The following LARP1 variants were observed in gnomAD, a reference collection of about 807,000 sequenced individuals.
LARP1 encodes the protein la-related protein 1.
In LARP1, 36 loss-of-function variants were observed where a neutral mutation model predicts 122.7. The observed-to-expected ratio is 0.29, with a 90% CI of 0.22 to 0.39. The LOEUF (loss-of-function observed/expected upper bound fraction) is 0.39, where lower values mean the gene tolerates loss of function less well. Ranked by LOEUF, LARP1 falls within the 10% of genes least tolerant of loss-of-function variation. The pLI is 1.00. For missense variants in LARP1, 1,040 were observed against 1,403.6 expected, an observed-to-expected ratio of 0.74 and a Z score of 4.14; for synonymous variants, 539 against 528.7, an observed-to-expected ratio of 1.02 and a Z score of -0.27.
chr5:154,805,273 AATC>A lies in LARP1; in HGVS notation c.2547-602_2547-600del, dbSNP rs1040674395. The A allele has an allele frequency of 5.9e-5, 15 of 256,260 alleles. No individual in the cohort carries two copies. The Admixed American group carries it at 7.2e-4, about 12-fold the overall frequency. 15.9% of individuals were successfully genotyped at this position (256,260 alleles called of 1,614,324 possible). On this transcript the variant is annotated intron_variant, in intron 14 of 18. Transcript: ENST00000518297. The stretch of plus-strand genomic sequence containing the variant: ...TTTACTGTTCAGTAAGTGGAAGTAG[AATC>A]ATCATAAAGGTCTTCATCGTCGTGG...
chr5:154,718,091 A>T (rs563687919), intron 1 of LARP1, among the ~76,000 whole-genome samples: 4 of 147,430 alleles, frequency 2.7e-5, no homozygotes, highest in Non-Finnish European at 4.5e-5. Context: ...CTAACTTAAA[A>T]TTTTTTTTTT....
At chr5:154,810,319 C>G (rs998920662) in intron 16 of LARP1, among the ~76,000 whole-genome samples, 1 of 151,562 alleles carries the variant, frequency 6.6e-6, no homozygotes, top group Non-Finnish European at 1.5e-5. Flanking sequence ...GCCTGTAGTT[C>G]CAGCTACACG....
rs1310683185 is a variant in LARP1 at position 154,811,495 on chromosome 5, C to G, written c.2954-18C>G. Reference sequence around the variant, plus strand: ...CTTTATCCTCACCAGCTCAGCTTTTCTGTACCTCTCCCTACAGGCCAACTG... The same window carrying G: ...CTTTATCCTCACCAGCTCAGCTTTTGTGTACCTCTCCCTACAGGCCAACTG... On this transcript the variant is annotated intron_variant, in intron 17 of 18. Coordinates refer to ENST00000518297, the MANE Select transcript of LARP1 (RefSeq NM_033551.3). The G allele has an allele frequency of 6.2e-7, 1 of 1,614,202 alleles. No homozygotes were observed. Among genetic ancestry groups the G allele is most frequent in the Admixed American group, 1.7e-5 (1 of 60,026 alleles).
intron 1 of LARP1, among the ~76,000 whole-genome samples, chr5:154,694,003 T>G (rs1179130136): frequency 6.6e-6 from 1 of 152,012 alleles, no homozygotes; most frequent in Non-Finnish European, 1.5e-5. Flanking sequence ...TTACGAAAAG[T>G]TCAGGGGATA....
chr5:154,703,141 A>G (rs1040402925), intron 1 of LARP1, among the ~76,000 whole-genome samples: 1 of 151,016 alleles, frequency 6.6e-6, no homozygotes, highest in African/African-American at 2.4e-5. Flanking sequence ...AAAAAAAAAA[A>G]AAAAAAGAGA....
At chr5:154,685,935 G>T in intron 1 of LARP1, 1 of 478,300 alleles carries the variant, frequency 2.1e-6, no homozygotes, top group South Asian at 1.6e-5. Flanking sequence ...CTCGTGATTC[G>T]GTTAATCCTC....
At chr5:154,749,767 T>C (rs898952432) in intron 1 of LARP1, among the ~76,000 whole-genome samples, 6 of 152,170 alleles carry the variant, frequency 3.9e-5, no homozygotes, top group African/African-American at 1.4e-4. Flanking sequence ...CAGAAGTAAG[T>C]GATTAGTGCA....
Position 154,794,077 on chromosome 5 carries a change from C to CA in LARP1, c.1070-22dup, listed in dbSNP as rs759039906. 8 of 1,613,460 alleles carry CA rather than the reference C, an allele frequency of 5.0e-6. No individual in the cohort carries two copies. The South Asian group carries it at 8.8e-5, about 18-fold the overall frequency. On this transcript the variant is annotated intron_variant, in intron 6 of 18. Transcript: ENST00000518297. ...TGGTGGGCAGGAATCTCCTCTCCCT[C>CA]ATGGCACCCGTTTCCCCCATAGCCC...
At chr5:154,759,418 C>G (rs1219920417) in intron 1 of LARP1, among the ~76,000 whole-genome samples, 1 of 152,090 alleles carries the variant, frequency 6.6e-6, no homozygotes, top group Non-Finnish European at 1.5e-5. Flanking sequence ...TTTTGCTTAT[C>G]CACAGACATG....
At chr5:154,784,209 C>G (rs1313819256) in intron 1 of LARP1, among the ~76,000 whole-genome samples, 1 of 152,178 alleles carries the variant, frequency 6.6e-6, no homozygotes, top group Non-Finnish European at 1.5e-5. Context: ...GTTGCCAGGC[C>G]CTGAGCTAGA....
intron 1 of LARP1, among the ~76,000 whole-genome samples, chr5:154,770,818 G>A (rs1755346946): frequency 6.6e-6 from 1 of 152,044 alleles, no homozygotes; most frequent in Admixed American, 6.5e-5. Flanking sequence ...CTTTTATAAA[G>A]GGATTGGATC....
chr5:154,798,828 C>T (rs1365241209), intron 8 of LARP1, among the ~76,000 whole-genome samples: 1 of 152,054 alleles, frequency 6.6e-6, no homozygotes, highest in Non-Finnish European at 1.5e-5. Context: ...GGTTTATCCA[C>T]CTCAGCACAT....
chr5:154,708,160 A>G (rs540079973), upstream of LARP1, among the ~76,000 whole-genome samples: 7 of 152,298 alleles, frequency 4.6e-5, no homozygotes, highest in Admixed American at 3.3e-4. Context: ...CAGCTGAGAG[A>G]AAGAAGGCAC....
intron 1 of LARP1, among the ~76,000 whole-genome samples, chr5:154,691,819 T>C (rs1450433648): frequency 6.6e-6 from 1 of 151,370 alleles, no homozygotes; most frequent in Non-Finnish European, 1.5e-5. Context: ...TTTTTCTTTT[T>C]CTTTTTTGAG....
rs1358042491 is a variant in LARP1, at chr5:154,816,972, C to G, written c.*2876C>G. ...GGGCTCAGATAGAGGTGCTGAGCCC[C>G]TGTGTCAAAGTTGTTAAATGTTTTT... On this transcript the variant is annotated 3_prime_UTR_variant, in exon 19 of 19. Transcript: ENST00000518297. 2 of 152,034 alleles carry G rather than the reference C, an allele frequency of 1.3e-5. No homozygotes were observed. Among genetic ancestry groups the G allele is most frequent in the Non-Finnish European group, 2.9e-5 (2 of 68,012 alleles). The allele number at this position is 152,034 out of a possible 1,614,324, so 9.4% of individuals were successfully genotyped here.
At chr5:154,782,260 C>G (rs1417865331) in intron 1 of LARP1, among the ~76,000 whole-genome samples, 1 of 152,186 alleles carries the variant, frequency 6.6e-6, no homozygotes, top group Non-Finnish European at 1.5e-5. Flanking sequence ...TATTACTGTT[C>G]TAACTAGAAC....
chr5:154,776,148 T>G (rs948185717), intron 1 of LARP1, among the ~76,000 whole-genome samples: 1 of 152,154 alleles, frequency 6.6e-6, no homozygotes, highest in Admixed American at 6.5e-5. Flanking sequence ...AGTATCTATT[T>G]TATTTTATTT....
At chr5:154,773,730 G>C (rs923716349) in intron 1 of LARP1, among the ~76,000 whole-genome samples, 3 of 152,206 alleles carry the variant, frequency 2.0e-5, no homozygotes, top group Admixed American at 1.3e-4. Flanking sequence ...ACTAATGGAG[G>C]GTGGGCAAAG....
chr5:154,790,669 A>T lies in LARP1; in HGVS notation c.523A>T (p.Asn175Tyr), dbSNP rs1757266943. 1 of 1,614,054 alleles carries T rather than the reference A, an allele frequency of 6.2e-7. No homozygotes were observed. Among genetic ancestry groups the T allele is most frequent in the African/African-American group, 1.3e-5 (1 of 74,902 alleles). The change falls in exon 3 of 19, where the codon AAT (asparagine) becomes TAT (tyrosine). Residue 175 changes from asparagine to tyrosine, a missense_variant. Coordinates refer to ENST00000518297, the MANE Select transcript of LARP1 (RefSeq NM_033551.3). ...GGTTGGTGACTTTGGAGATGCAATC[A>T]ATTGGCCCACACCTGGAGAGATAGC... is the stretch of plus-strand genomic sequence containing the variant. ...SKVGDFGDAI[N>Y]WPTPGEIAHK...
Sources: gnomAD v4.1 joint callset for allele counts (sites outside exome capture counted in the v4.1 genomes callset) on GRCh38, gnomAD v4.1.1 for gene constraint, MANE v1.5 for transcripts, NCBI Gene and HGNC (gene_info 2026-07-23, HGNC 2026-07-21) for gene names.